The following SGIP1 variants were observed in gnomAD, a reference collection of about 807,000 sequenced individuals.
SGIP1 encodes the protein SH3-containing GRB2-like protein 3-interacting protein 1.
SGIP1 carries 38 observed loss-of-function variants against 107.5 expected under a neutral mutation model. The ratio of observed to expected loss-of-function variants is 0.35; its 90% CI spans 0.27 to 0.46. The LOEUF is 0.46. Ranked by LOEUF, SGIP1 falls within the 20% of genes least tolerant of loss-of-function variation. The pLI is 1.00. For synonymous variants in SGIP1, 365 were observed against 366.1 expected (o/e 1.00, Z 0.03); for missense variants, 929 against 1,019.5 (o/e 0.91, Z 1.21).
intron 1 of SGIP1, among the ~76,000 whole-genome samples, chr1:66,579,375 GA>G (rs894247542): frequency 6.6e-6 from 1 of 152,150 alleles, no homozygotes; most frequent in Non-Finnish European, 1.5e-5. Context: ...CCTATTATCA[GA>G]AGTCTTTATA....
intron 1 of SGIP1, among the ~76,000 whole-genome samples, chr1:66,608,561 C>G (rs923468491): frequency 9.2e-5 from 14 of 152,120 alleles, no homozygotes; most frequent in African/African-American, 1.9e-4. Flanking sequence ...GCAGAGCTAC[C>G]AGACACTGTT....
rs1356797202 is a variant in SGIP1 at position 66,750,034 on chromosome 1, GGGGTGTGTGT to G, written c.*6941_*6950del. 2.9e-4 allele frequency among the ~76,000 whole-genome samples: 27 copies of G among 92,128 alleles called. No homozygotes were observed. Among genetic ancestry groups the G allele is most frequent in the African/African-American group, 6.5e-4 (17 of 26,072 alleles). 60.4% of individuals were successfully genotyped at this position (92,128 alleles called of 152,430 possible). A position where few individuals can be genotyped will look rare whatever the true frequency, so the allele number is the denominator to read the frequency against. On this transcript the variant is annotated 3_prime_UTR_variant, in exon 25 of 25. Transcript: ENST00000371037. ...CTCTCTCTTTCTCTGTGTGTGTGTG[GGGGTGTGTGT>G]GTGTGTGTGTGTGTGTGTGTGTGTC...
chr1:66,684,075 T>C (rs776299851), intron 15 of SGIP1: 2 of 1,549,980 alleles, frequency 1.3e-6, no homozygotes, highest in Non-Finnish European at 8.7e-7. Flanking sequence ...CACCACCCTG[T>C]GGTAGATACT....
rs764724628 is a variant in SGIP1, at chr1:66,694,542, T to C, written c.1571-892T>C. The C allele has an allele frequency of 7.4e-6, 11 of 1,495,468 alleles. No homozygotes were observed. The African/African-American group carries it at 1.6e-4, about 21-fold the overall frequency. The allele number at this position is 1,495,468 out of a possible 1,614,324, so 92.6% of individuals were successfully genotyped here. On this transcript the variant is annotated intron_variant, in intron 17 of 24. Coordinates refer to ENST00000371037, the MANE Select transcript of SGIP1 (RefSeq NM_032291.4). ...CCAAGTGATCTCTAGAGACCTAGATTCCAAAAATCCAAGCCATTATCCATC... is the reference window on the plus strand; with the variant it reads ...CCAAGTGATCTCTAGAGACCTAGATCCCAAAAATCCAAGCCATTATCCATC...
intron 13 of SGIP1, among the ~76,000 whole-genome samples, chr1:66,678,387 A>C (rs1401966624): frequency 1.3e-5 from 2 of 152,238 alleles, no homozygotes; most frequent in Non-Finnish European, 2.9e-5. Flanking sequence ...GCTGTTGTTT[A>C]ATTGATGTGC....
chr1:66,591,931 G>GACTTTACACAAA (rs1441700030), intron 1 of SGIP1, among the ~76,000 whole-genome samples: 1 of 152,180 alleles, frequency 6.6e-6, no homozygotes, highest in African/African-American at 2.4e-5. Context: ...ACATTTTAGT[G>GACTTTACACAAA]CAGTAAAGAG....
At chr1:66,604,602 A>G (rs566975436) in intron 1 of SGIP1, among the ~76,000 whole-genome samples, 3 of 152,306 alleles carry the variant, frequency 2.0e-5, no homozygotes, top group South Asian at 2.1e-4. Context: ...TTCTCATCCA[A>G]TGGTAAATAG....
At chr1:66,733,622 T>C in intron 20 of SGIP1, 126 bp from the exon 21 acceptor site, 1 of 971,938 alleles carries the variant, frequency 1.0e-6, no homozygotes, top group Middle Eastern at 3.3e-4. Context: ...AATAGATTCA[T>C]AATAATCTCT....
chr1:66,582,654 G>T (rs1198148464), intron 1 of SGIP1, among the ~76,000 whole-genome samples: 1 of 151,762 alleles, frequency 6.6e-6, no homozygotes, highest in African/African-American at 2.4e-5. Flanking sequence ...AATTATATTA[G>T]AAATAATTGA....
At chr1:66,534,044 A>T, upstream of SGIP1, 1 of 465,674 alleles carries the variant, frequency 2.1e-6, no homozygotes, top group Non-Finnish European at 3.9e-6. Flanking sequence ...TTGTGTCAGG[A>T]GATGCAGGCT....
intron 1 of SGIP1, among the ~76,000 whole-genome samples, chr1:66,592,402 C>T (rs1358225663): frequency 6.6e-6 from 1 of 152,218 alleles, no homozygotes; most frequent in Non-Finnish European, 1.5e-5. Context: ...CAGCACATGT[C>T]TCTGAGGGCA....
At chr1:66,658,848 C>T (rs1379751293) in intron 7 of SGIP1, among the ~76,000 whole-genome samples, 1 of 152,114 alleles carries the variant, frequency 6.6e-6, no homozygotes, top group African/African-American at 2.4e-5. Context: ...GAGAAGGGAA[C>T]AATTTATTTT....
At chr1:66,679,812 G>A (rs1362897618) in intron 14 of SGIP1, 60 bp downstream of exon 14, 2 of 1,434,002 alleles carry the variant, frequency 1.4e-6, no homozygotes, top group Non-Finnish European at 1.9e-6. Context: ...GGCCCCGGAT[G>A]AACATGCCCT....
chr1:66,677,184 T>C, intron 13 of SGIP1, 88 bp downstream of exon 13: 1 of 1,012,578 alleles, frequency 9.9e-7, no homozygotes, highest in African/African-American at 1.6e-5. Context: ...TCTTAAAAAG[T>C]CTATGTAAGC....
chr1:66,543,557 A>G (rs1179655639), intron 1 of SGIP1, among the ~76,000 whole-genome samples: 1 of 152,224 alleles, frequency 6.6e-6, no homozygotes, highest in Non-Finnish European at 1.5e-5. Flanking sequence ...TCACGTTCAA[A>G]GGTGCTGAGG....
In SGIP1 at chr1:66,535,252, G is replaced by T. The variant is rs114581560; in HGVS notation, c.10+884G>T. Among the ~76,000 whole-genome samples the T allele has an allele frequency of 9.8e-3, 1,495 of 152,280 alleles. 16 individuals carry two copies. The highest frequency in any genetic ancestry group is 0.027 in the Middle Eastern group (8 of 294). On this transcript the variant is annotated intron_variant, in intron 1 of 24. Transcript: ENST00000371037. ...AAGCAAGCAGCTCTATGCAGGCTTT[G>T]ATTTTCTGTTTTCACACTATAGGAT...
chr1:66,535,001 A>G (rs751773323), intron 1 of SGIP1, among the ~76,000 whole-genome samples: 1 of 152,256 alleles, frequency 6.6e-6, no homozygotes, highest in Non-Finnish European at 1.5e-5. Flanking sequence ...AGGTTAAAAA[A>G]GAATTTTGTG....
In SGIP1 at chr1:66,635,925, T is replaced by A; in HGVS notation, c.100-19T>A. 1 of 1,613,202 alleles carries A rather than the reference T, an allele frequency of 6.2e-7. No homozygotes were observed. ...GATCTTTTAACCACTTTTTTCTACA[T>A]GAAAACAATCAATTCCAGCAGCCCA... On this transcript the variant is annotated intron_variant, in intron 3 of 24. Transcript: ENST00000371037.
intron 1 of SGIP1, among the ~76,000 whole-genome samples, chr1:66,606,559 GCTGATTGACTGTAATTT>G (rs2066885143): frequency 6.6e-6 from 1 of 152,148 alleles, no homozygotes; most frequent in Admixed American, 6.5e-5. Flanking sequence ...AGAGGGCTTG[GCTGATTGACTGTAATTT>G]ACAGCATCCA....
Sources: gnomAD v4.1 joint callset for allele counts (sites outside exome capture counted in the v4.1 genomes callset) on GRCh38, gnomAD v4.1.1 for gene constraint, MANE v1.5 for transcripts, NCBI Gene and HGNC (gene_info 2026-07-23, HGNC 2026-07-21) for gene names.